The following SLCO1B1 variants were observed in gnomAD, a reference collection of about 807,000 sequenced individuals.
The protein encoded by SLCO1B1 is solute carrier organic anion transporter family member 1B1.
In SLCO1B1, 81 loss-of-function variants were observed where a neutral mutation model predicts 70.1. The observed-to-expected ratio is 1.16, with a 90% CI of 0.97 to 1.39. The LOEUF is 1.39. Among genes scored for constraint, SLCO1B1 ranks in the 40% most tolerant of loss-of-function variants. The pLI is 0.00. For missense variants in SLCO1B1, 895 were observed against 799.6 expected, an observed-to-expected ratio of 1.12 and a Z score of -1.44; for synonymous variants, 283 against 271.5, an observed-to-expected ratio of 1.04 and a Z score of -0.42.
At chr12:21,202,757 A>T (rs1228560623) in intron 10 of SLCO1B1, 71 bp downstream of exon 10, 1 of 1,222,988 alleles carries the variant, frequency 8.2e-7, no homozygotes, top group Non-Finnish European at 1.2e-6. Context: ...TATAAGTAAT[A>T]TAAGGCAGAA....
chr12:21,239,334 T>C lies in SLCO1B1; in HGVS notation c.*145T>C, dbSNP rs1219783036. 2 of 699,144 alleles carry C rather than the reference T, an allele frequency of 2.9e-6. No individual in the cohort carries two copies. The highest frequency in any genetic ancestry group is 5.2e-5 in the East Asian group (2 of 38,670). The allele number at this position is 699,144 out of a possible 1,614,324, so 43.3% of individuals were successfully genotyped here. A position where few individuals can be genotyped will look rare whatever the true frequency, so the allele number is the denominator to read the frequency against. ...TGGAAGTATAAATAAGCCTATGAACTTATAATAAAACAAACTGTAGGTAGA... is the reference window on the plus strand; with the variant it reads ...TGGAAGTATAAATAAGCCTATGAACCTATAATAAAACAAACTGTAGGTAGA... On this transcript the variant is annotated 3_prime_UTR_variant, in exon 15 of 15. Coordinates refer to ENST00000256958, the MANE Select transcript of SLCO1B1 (RefSeq NM_006446.5).
At chr12:21,191,483 C>G (rs149778276) in intron 7 of SLCO1B1, among the ~76,000 whole-genome samples, 5 of 152,096 alleles carry the variant, frequency 3.3e-5, no homozygotes, top group Admixed American at 6.6e-5. Flanking sequence ...TATCCTGCAA[C>G]TTTACAGAAT....
At chr12:21,157,249 G>A (rs1211042466) in intron 2 of SLCO1B1, among the ~76,000 whole-genome samples, 1 of 152,046 alleles carries the variant, frequency 6.6e-6, no homozygotes, top group Non-Finnish European at 1.5e-5. Context: ...TATCACATAC[G>A]ATCTCAGTCC....
chr12:21,183,625 TAAAGG>T (rs1345957093), intron 7 of SLCO1B1, among the ~76,000 whole-genome samples: 2 of 152,196 alleles, frequency 1.3e-5, no homozygotes, highest in Non-Finnish European at 2.9e-5. Flanking sequence ...ATACCACAGT[TAAAGG>T]AACACCATTC....
chr12:21,178,836 T>C lies in SLCO1B1; in HGVS notation c.629-86T>C. On this transcript the variant is annotated intron_variant, in intron 6 of 14. Transcript: ENST00000256958. ...ATTAGAACATATATTTGGGTATATG[T>C]ATTGTATCATATTTCTTTTAAAAAC... The C allele has an allele frequency of 3.7e-6, 5 of 1,337,692 alleles. No individual in the cohort carries two copies. The South Asian group carries it at 5.8e-5, about 16-fold the overall frequency. 82.9% of individuals were successfully genotyped at this position (1,337,692 alleles called of 1,614,324 possible).
At chr12:21,160,774 G>C (rs1408504735) in intron 2 of SLCO1B1, among the ~76,000 whole-genome samples, 1 of 151,940 alleles carries the variant, frequency 6.6e-6, no homozygotes, top group Non-Finnish European at 1.5e-5. Flanking sequence ...TCTAACAAAG[G>C]TCTAATATCC....
At chr12:21,185,324 T>C (rs376440842) in intron 7 of SLCO1B1, among the ~76,000 whole-genome samples, 2 of 152,152 alleles carry the variant, frequency 1.3e-5, no homozygotes, top group Non-Finnish European at 2.9e-5. Flanking sequence ...CTCATCTGCA[T>C]ATAGATTGTA....
At chr12:21,152,350 C>T (rs1940482089) in intron 2 of SLCO1B1, among the ~76,000 whole-genome samples, 1 of 151,800 alleles carries the variant, frequency 6.6e-6, no homozygotes, top group African/African-American at 2.4e-5. Context: ...ATAAATCCAA[C>T]ATCCTTTCTG....
intron 7 of SLCO1B1, among the ~76,000 whole-genome samples, chr12:21,181,242 T>C (rs1301712170): frequency 7.9e-5 from 12 of 152,186 alleles, no homozygotes; most frequent in Non-Finnish European, 1.3e-4. Context: ...TTTTCAATTT[T>C]TAAGACTGTG....
intron 8 of SLCO1B1, among the ~76,000 whole-genome samples, chr12:21,198,480 G>C (rs746219082): frequency 6.6e-6 from 1 of 151,986 alleles, no homozygotes; most frequent in African/African-American, 2.4e-5. Flanking sequence ...AACCTATAAG[G>C]AGCGGGGTTG....
At chr12:21,208,791 A>G (rs1472211679) in intron 11 of SLCO1B1, among the ~76,000 whole-genome samples, 1 of 152,014 alleles carries the variant, frequency 6.6e-6, no homozygotes, top group Non-Finnish European at 1.5e-5. Flanking sequence ...TGTGTCACCT[A>G]TAATTTCTTT....
At chr12:21,187,695 G>A (rs772939643) in intron 7 of SLCO1B1, among the ~76,000 whole-genome samples, 6 of 152,076 alleles carry the variant, frequency 3.9e-5, no homozygotes, top group Admixed American at 6.6e-5. Flanking sequence ...GTCATTAAGT[G>A]CAAAACAATA....
At chr12:21,211,908 TC>T (rs1941291703) in intron 11 of SLCO1B1, among the ~76,000 whole-genome samples, 2 of 150,638 alleles carry the variant, frequency 1.3e-5, no homozygotes, top group South Asian at 4.2e-4. Context: ...GGTGGTGATA[TC>T]CCCTTTATCG....
chr12:21,138,238 T>C (rs1940255871), intron 1 of SLCO1B1, among the ~76,000 whole-genome samples: 1 of 152,106 alleles, frequency 6.6e-6, no homozygotes, highest in South Asian at 2.1e-4. Context: ...TATTAAGTAT[T>C]AAAAGCTTGA....
At chr12:21,233,162 A>C (rs10841768) in intron 14 of SLCO1B1, among the ~76,000 whole-genome samples, 20,410 of 151,992 alleles carry the variant, frequency 0.13, 1,692 homozygotes, top group Non-Finnish European at 0.18. Flanking sequence ...GGAGGGCTAA[A>C]CTCCAACTGA....
chr12:21,205,842 G>A (rs1371266125), intron 10 of SLCO1B1, 26 bp from the exon 11 acceptor site: 1 of 1,493,140 alleles, frequency 6.7e-7, no homozygotes, highest in East Asian at 2.3e-5. Context: ...CTCTCTTTTT[G>A]ATATATGTCT....
intron 10 of SLCO1B1, among the ~76,000 whole-genome samples, chr12:21,204,425 A>G (rs76908577): frequency 0.049 from 7,469 of 151,792 alleles, 252 homozygotes; most frequent in Non-Finnish European, 0.07. Context: ...AGTACATGTC[A>G]AGAGGTACAA....
chr12:21,134,620 T>A (rs1255900109), intron 1 of SLCO1B1, among the ~76,000 whole-genome samples: 3 of 152,218 alleles, frequency 2.0e-5, no homozygotes, highest in Non-Finnish European at 4.4e-5. Flanking sequence ...TTTATTTGCC[T>A]AGAGGTGTTT....
intron 2 of SLCO1B1, chr12:21,164,811 C>T (rs1940664593): frequency 2.0e-6 from 1 of 488,066 alleles, no homozygotes; most frequent in Non-Finnish European, 4.1e-6. Context: ...GAACTTTAAC[C>T]TGTAAGGTCA....
Sources: gnomAD v4.1 joint callset for allele counts (sites outside exome capture counted in the v4.1 genomes callset) on GRCh38, gnomAD v4.1.1 for gene constraint, MANE v1.5 for transcripts, NCBI Gene and HGNC (gene_info 2026-07-23, HGNC 2026-07-21) for gene names.